The following PHF21A variants were observed in gnomAD, a reference collection of about 807,000 sequenced individuals.
PHF21A encodes BHC80a.
A neutral mutation model predicts 82.5 loss-of-function variants in PHF21A; 11 were observed. That is an observed-to-expected ratio of 0.13 (90% confidence interval 0.08 to 0.22). The LOEUF is 0.22. Ranked by LOEUF, PHF21A falls within the 10% of genes least tolerant of loss-of-function variation. The pLI, the probability that PHF21A is intolerant of heterozygous loss-of-function variation, is 1.00. For synonymous variants in PHF21A, 297 were observed against 302.8 expected (o/e 0.98, Z 0.20); for missense variants, 579 against 837.8 (o/e 0.69, Z 3.81).
At chr11:45,986,972 A>T (rs1333596161) in intron 6 of PHF21A, among the ~76,000 whole-genome samples, 1 of 152,146 alleles carries the variant, frequency 6.6e-6, no homozygotes, top group African/African-American at 2.4e-5. Context: ...AATCTCAGAA[A>T]TCAAATATAT....
intron 6 of PHF21A, among the ~76,000 whole-genome samples, chr11:45,992,503 G>A (rs2094745351): frequency 6.6e-6 from 1 of 152,226 alleles, no homozygotes; most frequent in African/African-American, 2.4e-5. Context: ...TCGCGCCACT[G>A]CACTCCAGCC....
intron 1 of PHF21A, among the ~76,000 whole-genome samples, chr11:46,099,679 G>C (rs2097064297): frequency 6.6e-6 from 1 of 152,020 alleles, no homozygotes; most frequent in South Asian, 2.1e-4. Context: ...CCGAAGAAGT[G>C]AGAAAAAAGC....
At chr11:46,111,934 G>T (rs2097218928) in intron 1 of PHF21A, among the ~76,000 whole-genome samples, 1 of 152,110 alleles carries the variant, frequency 6.6e-6, no homozygotes, top group Admixed American at 6.6e-5. Context: ...TTTTTCCAAG[G>T]TTACATACAC....
chr11:45,987,454 G>C (rs2094532480), intron 6 of PHF21A, among the ~76,000 whole-genome samples: 2 of 151,782 alleles, frequency 1.3e-5, no homozygotes. Flanking sequence ...AAGGTCAGGA[G>C]TTCGAGACCA....
At chr11:46,039,486 A>AG (rs2096080314) in intron 6 of PHF21A, among the ~76,000 whole-genome samples, 2 of 152,210 alleles carry the variant, frequency 1.3e-5, no homozygotes, top group African/African-American at 4.8e-5. Flanking sequence ...ACCTTGAAGG[A>AG]GGTAGCTCAC....
intron 6 of PHF21A, among the ~76,000 whole-genome samples, chr11:46,031,794 T>TA (rs2095871417): frequency 6.6e-6 from 1 of 152,292 alleles, no homozygotes; most frequent in East Asian, 1.9e-4. Flanking sequence ...ACTAACACTA[T>TA]ACGCAAAAGC....
chr11:45,991,753 A>C (rs1277424072), intron 6 of PHF21A, among the ~76,000 whole-genome samples: 2 of 152,154 alleles, frequency 1.3e-5, no homozygotes, highest in East Asian at 3.8e-4. Context: ...TCAATCTCTA[A>C]ATTATCTTCT....
At chr11:45,970,984 A>G in intron 8 of PHF21A, 132 bp downstream of exon 8, 1 of 1,124,988 alleles carries the variant, frequency 8.9e-7, no homozygotes. Flanking sequence ...GTCAGCCCCA[A>G]AGGGGAATTT....
chr11:45,953,771 A>C, intron 10 of PHF21A, 146 bp from the exon 11 acceptor site: 2 of 592,860 alleles, frequency 3.4e-6, no homozygotes, highest in South Asian at 2.3e-5. Context: ...AGTATTATAG[A>C]TTTCATTGGG....
chr11:45,935,595 G>A (rs1222880780), intron 18 of PHF21A, 41 bp downstream of exon 18: 1 of 962,024 alleles, frequency 1.0e-6, no homozygotes, highest in South Asian at 1.3e-5. Flanking sequence ...CTAGGTCTCT[G>A]CACCTATGTA....
intron 1 of PHF21A, among the ~76,000 whole-genome samples, chr11:46,112,139 GGT>G: frequency 6.6e-6 from 1 of 152,246 alleles, no homozygotes; most frequent in Middle Eastern, 3.4e-3. Context: ...TTCAGTTACT[GGT>G]GTGATAGTCC....
At chr11:45,989,874 C>T (rs913438363) in intron 6 of PHF21A, among the ~76,000 whole-genome samples, 6 of 151,244 alleles carry the variant, frequency 4.0e-5, no homozygotes, top group Non-Finnish European at 5.9e-5. Flanking sequence ...TGGCATACAC[C>T]GGCAGTATCA....
Position 45,934,110 on chromosome 11 carries a change from A to G in PHF21A, c.1904T>C (p.Val635Ala), listed in dbSNP as rs1407006424. Residue 635 changes from valine to alanine, a missense_variant, in exon 19 of 19, where the codon GTA (valine) becomes GCA (alanine). Around this residue, in one of 3 missense-constraint regions of PHF21A, gnomAD observed 157 missense variants for 149.4 expected, o/e 1.05. Transcript: ENST00000676320. ...GGCCCCCACAGTGGCCTCAGAGTCT[A>G]CAGGTTTGGAGAGGTCGATGCCGTG... The part of the protein sequence containing the change: ...LIHGIDLSKP[V>A]DSEATVGAIS... The G allele has an allele frequency of 1.9e-6, 3 of 1,614,164 alleles. No individual in the cohort carries two copies. The highest frequency in any genetic ancestry group is 4.5e-5 in the East Asian group (2 of 44,880).
chr11:45,977,348 G>A (rs540626560), intron 7 of PHF21A, among the ~76,000 whole-genome samples: 1 of 152,196 alleles, frequency 6.6e-6, no homozygotes, highest in East Asian at 1.9e-4. Context: ...TGTTGGCCAG[G>A]CTGGTCTCAA....
chr11:45,951,542 T>G (rs2092112380), intron 11 of PHF21A, among the ~76,000 whole-genome samples: 2 of 152,254 alleles, frequency 1.3e-5, no homozygotes, highest in African/African-American at 4.8e-5. Context: ...CTAAACTGTA[T>G]GTTGAAATGA....
At chr11:46,098,219 G>C (rs550291668) in intron 1 of PHF21A, among the ~76,000 whole-genome samples, 20 of 152,218 alleles carry the variant, frequency 1.3e-4, no homozygotes, top group African/African-American at 4.8e-4. Context: ...ATAAATAAAT[G>C]GAAGTAATAA....
intron 1 of PHF21A, among the ~76,000 whole-genome samples, chr11:46,110,234 C>T (rs541610956): frequency 6.6e-6 from 1 of 152,160 alleles, no homozygotes; most frequent in Admixed American, 6.5e-5. Context: ...TTATTATTAT[C>T]CCCATTTTAC....
At position 45,979,749 on chromosome 11, in the gene PHF21A, C is replaced by T. The variant is rs375815592; in HGVS notation, c.360+11G>A. On this transcript the variant is annotated intron_variant, in intron 7 of 18. Coordinates refer to ENST00000676320, the MANE Select transcript of PHF21A (RefSeq NM_001352027.3). ...AATCTGCAGCCTGCAATGTTCCATC[C>T]ACACATTTACCTGTGAAGCAGTCAG... 4 of 1,613,350 alleles carry T rather than the reference C, an allele frequency of 2.5e-6. No individual in the cohort carries two copies. The highest frequency in any genetic ancestry group is 3.4e-6 in the Non-Finnish European group (4 of 1,180,034).
chr11:46,062,530 A>G (rs1340110087), intron 6 of PHF21A, among the ~76,000 whole-genome samples: 3 of 152,046 alleles, frequency 2.0e-5, no homozygotes, highest in Non-Finnish European at 1.5e-5. Context: ...CACTAATGCA[A>G]TATCTTCTTT....
Sources: gnomAD v4.1 joint callset for allele counts (sites outside exome capture counted in the v4.1 genomes callset) on GRCh38, gnomAD v4.1.1 for gene constraint, gnomAD v4.1.1 regional missense constraint, MANE v1.5 for transcripts, NCBI Gene and HGNC (gene_info 2026-07-23, HGNC 2026-07-21) for gene names.